Variants in CDK5RAP1 observed in about 807,000 individuals in gnomAD.
The protein encoded by CDK5RAP1 is CDK5RAP1 mitochondrial tRNA methylthiotransferase.
Under a neutral mutation model 64.5 loss-of-function variants are expected in CDK5RAP1, and 62 were observed. The ratio of observed to expected loss-of-function variants is 0.96; its 90% CI spans 0.78 to 1.19. The LOEUF (loss-of-function observed/expected upper bound fraction) is 1.19, where lower values mean the gene tolerates loss of function less well. Among genes scored for constraint, CDK5RAP1 ranks in the 50% most tolerant of loss-of-function variants. CDK5RAP1 has a pLI of 0.00. For synonymous variants in CDK5RAP1, 250 were observed against 261.9 expected, an observed-to-expected ratio of 0.95 and a Z score of 0.44; for missense variants, 657 against 735.0, an observed-to-expected ratio of 0.89 and a Z score of 1.23.
intron 8 of CDK5RAP1, among the ~76,000 whole-genome samples, chr20:33,375,472 A>G (rs946060110): frequency 1.9e-4 from 29 of 152,066 alleles, no homozygotes; most frequent in African/African-American, 7.0e-4. Context: ...TCTCTCCTCC[A>G]TTGCAAGAAA....
chr20:33,390,679 G>C (rs749349879), intron 5 of CDK5RAP1, among the ~76,000 whole-genome samples: 15 of 151,982 alleles, frequency 9.9e-5, no homozygotes, highest in Non-Finnish European at 1.5e-4. Flanking sequence ...ATTCTTATTA[G>C]ATATACACCC....
intron 5 of CDK5RAP1, among the ~76,000 whole-genome samples, chr20:33,388,626 T>G (rs1987809564): frequency 7.2e-6 from 1 of 139,776 alleles, no homozygotes; most frequent in Non-Finnish European, 1.5e-5. Flanking sequence ...TCCCTCTCTT[T>G]CCACTGTCTC....
Position 33,374,101 on chromosome 20 carries a change from CA to C in CDK5RAP1, c.1205+13del. ...GGAAAAGTGAGGGATGCCCCCTCTC[CA>C]AGCAAGCCTGACCCCCTCCGCATGG... On this transcript the variant is annotated intron_variant, in intron 9 of 13. Coordinates refer to ENST00000346416, the MANE Select transcript of CDK5RAP1 (RefSeq NM_016408.4). 6.3e-7 allele frequency: 1 copy of C among 1,593,766 alleles called. No individual in the cohort carries two copies.
intron 11 of CDK5RAP1, among the ~76,000 whole-genome samples, chr20:33,367,706 G>A (rs972689948): frequency 6.6e-6 from 1 of 152,174 alleles, no homozygotes; most frequent in African/African-American, 2.4e-5. Flanking sequence ...ATTCAAGCAT[G>A]TATTACCTAG....
intron 8 of CDK5RAP1, among the ~76,000 whole-genome samples, chr20:33,376,263 G>A (rs1435785710): frequency 1.3e-4 from 20 of 152,114 alleles, no homozygotes; most frequent in Admixed American, 1.3e-3. Context: ...GGCAGAGGTT[G>A]CAGTGAGCTG....
At chr20:33,388,298 A>G (rs1211029835) in intron 5 of CDK5RAP1, among the ~76,000 whole-genome samples, 1 of 152,170 alleles carries the variant, frequency 6.6e-6, no homozygotes, top group Non-Finnish European at 1.5e-5. Context: ...ATCCTTAAAA[A>G]AATTATGTTA....
intron 2 of CDK5RAP1, among the ~76,000 whole-genome samples, chr20:33,396,357 T>G (rs1988894615): frequency 6.6e-6 from 1 of 152,174 alleles, no homozygotes; most frequent in African/African-American, 2.4e-5. Context: ...TCCAATAAAT[T>G]CCAACTAAAA....
rs371213961 is a variant in CDK5RAP1, at chr20:33,370,616, G to A, written c.1275C>T (p.Ser425=). ...CACAAAAGCCAGCAATGAAATCGCT[G>A]CTGAGGCTCACACCTGTGATACACA... ...IRESIPGVSL[S]SDFIAGFCGE... Residue 425 remains serine (S), a synonymous_variant, in exon 11 of 14, where the codon AGC becomes AGT. Transcript: ENST00000346416. The A allele has an allele frequency of 1.7e-5, 27 of 1,614,056 alleles. No individual in the cohort carries two copies. The African/African-American group carries it at 2.7e-4, about 16-fold the overall frequency.
chr20:33,395,100 A>G lies in CDK5RAP1; in HGVS notation c.321T>C (p.Tyr107=), dbSNP rs1334818272. Reference sequence around the variant, plus strand: ...TGTCATTCACATTCATCTGGCAGCCATAGGTCTCGAGGTAGACTGCAGTGA... The same window carrying G: ...TGTCATTCACATTCATCTGGCAGCCGTAGGTCTCGAGGTAGACTGCAGTGA... ...GRQRKVYLET[Y]GCQMNVNDTE... The change falls in exon 3 of 14, where the codon TAT becomes TAC. Residue 107 remains tyrosine (Y), a synonymous_variant. Coordinates refer to ENST00000346416, the MANE Select transcript of CDK5RAP1 (RefSeq NM_016408.4). 1.2e-6 allele frequency: 2 copies of G among 1,612,208 alleles called. No individual in the cohort carries two copies.
intron 8 of CDK5RAP1, among the ~76,000 whole-genome samples, chr20:33,378,959 T>C (rs1048885255): frequency 1.3e-5 from 2 of 151,950 alleles, no homozygotes; most frequent in African/African-American, 4.8e-5. Flanking sequence ...CTTGGCAGAC[T>C]TTTTTTTCGA....
intron 7 of CDK5RAP1, among the ~76,000 whole-genome samples, chr20:33,380,915 G>A (rs1986676381): frequency 6.6e-6 from 1 of 152,080 alleles, no homozygotes. Flanking sequence ...CAGGAGAATC[G>A]CTTGAACCCA....
chr20:33,386,151 C>T (rs776890435), intron 6 of CDK5RAP1, among the ~76,000 whole-genome samples: 2 of 152,190 alleles, frequency 1.3e-5, no homozygotes, highest in African/African-American at 2.4e-5. Flanking sequence ...GCAACCTCCA[C>T]CTCCCAGGTT....
intron 13 of CDK5RAP1, 175 bp downstream of exon 13, chr20:33,360,176 A>C (rs538346139): frequency 3.3e-6 from 2 of 611,340 alleles, no homozygotes; most frequent in South Asian, 4.2e-5. Flanking sequence ...AAGAATAAGA[A>C]GGCATTAGTA....
At chr20:33,396,317 C>T (rs77807255) in intron 2 of CDK5RAP1, among the ~76,000 whole-genome samples, 2,635 of 152,258 alleles carry the variant, frequency 0.017, 66 homozygotes, top group African/African-American at 0.059. Flanking sequence ...GATCAACCCC[C>T]GTCCCCACCA....
At chr20:33,385,341 T>C (rs955949352) in intron 7 of CDK5RAP1, among the ~76,000 whole-genome samples, 12 of 152,226 alleles carry the variant, frequency 7.9e-5, no homozygotes, top group African/African-American at 2.9e-4. Context: ...ATTATTTTAT[T>C]CTCTTTTCAC....
intron 12 of CDK5RAP1, among the ~76,000 whole-genome samples, chr20:33,364,113 T>C (rs1469383211): frequency 2.6e-5 from 4 of 151,996 alleles, no homozygotes; most frequent in Non-Finnish European, 4.4e-5. Context: ...GGTATGATAA[T>C]AGCATTTTGT....
chr20:33,367,085 G>A (rs1984123637), intron 11 of CDK5RAP1, 77 bp from the exon 12 acceptor site: 5 of 1,354,150 alleles, frequency 3.7e-6, no homozygotes, highest in Non-Finnish European at 3.0e-6. Context: ...CACAGAGGGC[G>A]ACCATGTTCA....
intron 3 of CDK5RAP1, 74 bp downstream of exon 3, chr20:33,394,939 T>G: frequency 1.1e-6 from 1 of 912,620 alleles, no homozygotes. Context: ...CTCCTGAAAC[T>G]ACACCTAAGA....
At chr20:33,372,329 A>G (rs919945841) in intron 10 of CDK5RAP1, among the ~76,000 whole-genome samples, 4 of 152,068 alleles carry the variant, frequency 2.6e-5, no homozygotes, top group African/African-American at 9.7e-5. Context: ...TAATTTAGAC[A>G]TAACTTTGTC....
Sources: gnomAD v4.1 joint callset for allele counts (sites outside exome capture counted in the v4.1 genomes callset) on GRCh38, gnomAD v4.1.1 for gene constraint, MANE v1.5 for transcripts, NCBI Gene and HGNC (gene_info 2026-07-23, HGNC 2026-07-21) for gene names.